SNTG1: variants seen among roughly 807,000 people sequenced by gnomAD.
SNTG1 encodes the protein syntrophin gamma 1, also known as gamma-1-syntrophin.
A neutral mutation model predicts 74.7 loss-of-function variants in SNTG1; 39 were observed. The observed-to-expected ratio is 0.52, with a 90% CI of 0.40 to 0.68. The LOEUF (loss-of-function observed/expected upper bound fraction) is 0.68, where lower values mean the gene tolerates loss of function less well. Ranked by LOEUF, SNTG1 falls within the 30% of genes least tolerant of loss-of-function variation. SNTG1 has a pLI of 0.00. For synonymous variants in SNTG1, 254 were observed against 217.1 expected, an observed-to-expected ratio of 1.17 and a Z score of -1.49; for missense variants, 685 against 609.5, an observed-to-expected ratio of 1.12 and a Z score of -1.30.
chr8:50,155,347 A>G (rs1294141924), intron 1 of SNTG1, among the ~76,000 whole-genome samples: 2 of 152,194 alleles, frequency 1.3e-5, no homozygotes, highest in African/African-American at 4.8e-5. Context: ...AACAACTGGT[A>G]GTAGAACAAT....
intron 13 of SNTG1, among the ~76,000 whole-genome samples, chr8:50,605,465 T>C (rs138954622): frequency 0.013 from 2,027 of 152,290 alleles, 51 homozygotes; most frequent in African/African-American, 0.045. Context: ...CGAATGCTCC[T>C]TCCATGGGCA....
Position 50,573,737 on chromosome 8 carries a change from C to T in SNTG1, c.811-17142C>T, listed in dbSNP as rs545251328. ...TATATTTGTCCCCATGTTTTAGAAA[C>T]AGAATACTCAAATTTTAAAATCATA... is the stretch of plus-strand genomic sequence containing the variant. On this transcript the variant is annotated intron_variant, in intron 12 of 18. Coordinates refer to ENST00000642720, the MANE Select transcript of SNTG1 (RefSeq NM_018967.5). 3.8e-4 allele frequency among the ~76,000 whole-genome samples: 58 copies of T among 151,772 alleles called. No homozygotes were observed. The South Asian group carries it at 0.012, about 30-fold the overall frequency.
intron 12 of SNTG1, among the ~76,000 whole-genome samples, chr8:50,567,194 C>T (rs1382691436): frequency 6.6e-6 from 1 of 152,080 alleles, no homozygotes; most frequent in Non-Finnish European, 1.5e-5. Flanking sequence ...TACATCTGTA[C>T]TGCAGTTTCC....
chr8:50,650,892 G>A (rs2095140871), intron 13 of SNTG1, among the ~76,000 whole-genome samples: 1 of 151,978 alleles, frequency 6.6e-6, no homozygotes, highest in South Asian at 2.1e-4. Context: ...GAAGACACAG[G>A]GTTTCACCAT....
intron 2 of SNTG1, among the ~76,000 whole-genome samples, chr8:50,175,508 G>T (rs1355629752): frequency 1.3e-5 from 2 of 152,212 alleles, no homozygotes; most frequent in South Asian, 2.1e-4. Context: ...GAATTATTCT[G>T]GGCTAGCCAT....
At chr8:50,027,178 G>T (rs1817341510) in intron 1 of SNTG1, among the ~76,000 whole-genome samples, 1 of 152,080 alleles carries the variant, frequency 6.6e-6, no homozygotes, top group African/African-American at 2.4e-5. Flanking sequence ...ATGGTCAAAG[G>T]GGGAATTAAG....
At chr8:50,383,101 G>C (rs1021957451) in intron 2 of SNTG1, among the ~76,000 whole-genome samples, 2 of 152,102 alleles carry the variant, frequency 1.3e-5, no homozygotes, top group African/African-American at 4.8e-5. Context: ...AAATAATTGG[G>C]CACCATAACC....
At chr8:50,774,431 T>TAGAA (rs2095634817) in intron 18 of SNTG1, among the ~76,000 whole-genome samples, 1 of 151,766 alleles carries the variant, frequency 6.6e-6, no homozygotes, top group African/African-American at 2.4e-5. Flanking sequence ...CTGTGGAAGT[T>TAGAA]AGAAGGTAAT....
chr8:50,193,581 A>G (rs2131799674), intron 2 of SNTG1, among the ~76,000 whole-genome samples: 1 of 152,188 alleles, frequency 6.6e-6, no homozygotes. Context: ...AGGAGTCCTT[A>G]GGGTTTTCAA....
intron 9 of SNTG1, among the ~76,000 whole-genome samples, chr8:50,505,008 C>T (rs2093994671): frequency 6.6e-6 from 1 of 152,102 alleles, no homozygotes; most frequent in Non-Finnish European, 1.5e-5. Context: ...CCCAGACCCA[C>T]CCACTGGCAA....
At position 50,362,959 on chromosome 8, in the gene SNTG1, C is replaced by T. The variant is rs545729526; in HGVS notation, c.-27-31253C>T. On this transcript the variant is annotated intron_variant, in intron 2 of 18. Coordinates refer to ENST00000642720, the MANE Select transcript of SNTG1 (RefSeq NM_018967.5). ...CAACTGAATTGCCAATAGATGATTG[C>T]CCTGTGGGAAGAGAAAGGATGGAAA... 1.2e-3 allele frequency among the ~76,000 whole-genome samples: 185 copies of T among 152,194 alleles called. 1 individual carries two copies. The highest frequency in any genetic ancestry group is 4.3e-3 in the African/African-American group (180 of 41,530).
chr8:50,553,988 C>A (rs570211670), intron 12 of SNTG1, among the ~76,000 whole-genome samples: 4 of 152,080 alleles, frequency 2.6e-5, no homozygotes, highest in Non-Finnish European at 5.9e-5. Flanking sequence ...TAAGGGAGAT[C>A]AGGAGTCTAA....
chr8:50,793,519 T>C lies in SNTG1; in HGVS notation c.*690T>C, dbSNP rs1028370769. On this transcript the variant is annotated 3_prime_UTR_variant, in exon 19 of 19. Coordinates refer to ENST00000642720, the MANE Select transcript of SNTG1 (RefSeq NM_018967.5). ...GGATCACTGTTATTGAAATGTCTTATTAGCTGCCAAAGTCAATCAAATATG... is the reference window on the plus strand; with the variant it reads ...GGATCACTGTTATTGAAATGTCTTACTAGCTGCCAAAGTCAATCAAATATG... 8.6e-5 allele frequency: 13 copies of C among 151,984 alleles called. No homozygotes were observed. Among genetic ancestry groups the C allele is most frequent in the Admixed American group, 7.9e-4 (12 of 15,212 alleles). The allele number at this position is 151,984 out of a possible 1,614,324, so 9.4% of individuals were successfully genotyped here.
At chr8:50,626,597 G>A (rs1019656788) in intron 13 of SNTG1, among the ~76,000 whole-genome samples, 1 of 152,204 alleles carries the variant, frequency 6.6e-6, no homozygotes, top group African/African-American at 2.4e-5. Flanking sequence ...CAAAGGAATG[G>A]GCCAAACAAA....
At chr8:50,474,669 C>T (rs140309289) in intron 8 of SNTG1, among the ~76,000 whole-genome samples, 8,205 of 152,164 alleles carry the variant, frequency 0.054, 333 homozygotes, top group South Asian at 0.18. Flanking sequence ...GTCGGTGTGG[C>T]AATTCCTCAG....
chr8:50,365,988 CT>C (rs1473905032), intron 2 of SNTG1, among the ~76,000 whole-genome samples: 1 of 152,126 alleles, frequency 6.6e-6, no homozygotes, highest in African/African-American at 2.4e-5. Flanking sequence ...AACCAGTTGA[CT>C]GTATTTTAAA....
At chr8:50,053,731 T>C (rs1819784116) in intron 1 of SNTG1, among the ~76,000 whole-genome samples, 2 of 150,446 alleles carry the variant, frequency 1.3e-5, no homozygotes, top group African/African-American at 2.4e-5. Context: ...TAGTAACACA[T>C]GAACTTGTTC....
intron 4 of SNTG1, among the ~76,000 whole-genome samples, chr8:50,428,666 C>T (rs2093194591): frequency 6.6e-6 from 1 of 152,120 alleles, no homozygotes. Context: ...GAGAGAAAAA[C>T]CCAAAACCCT....
intron 1 of SNTG1, among the ~76,000 whole-genome samples, chr8:50,075,522 A>G (rs965076019): frequency 1.3e-5 from 2 of 152,140 alleles, no homozygotes; most frequent in Non-Finnish European, 2.9e-5. Flanking sequence ...AAACGGACCA[A>G]TCAGCTTTCT....
Sources: allele counts gnomAD v4.1 joint callset (sites outside exome capture counted in the v4.1 genomes callset), GRCh38; gene constraint gnomAD v4.1.1; transcripts MANE v1.5; gene names NCBI Gene and HGNC (gene_info 2026-07-23, HGNC 2026-07-21).